The following SORCS2 variants were observed in gnomAD, a reference collection of about 807,000 sequenced individuals.
The protein encoded by SORCS2 is VPS10 domain-containing receptor SorCS2.
SORCS2 carries 100 observed loss-of-function variants against 141.6 expected under a neutral mutation model. The observed-to-expected ratio is 0.71, with a 90% confidence interval of 0.60 to 0.83. The LOEUF (loss-of-function observed/expected upper bound fraction) is 0.83. Ranked by LOEUF, SORCS2 falls within the 40% of genes least tolerant of loss-of-function variation. SORCS2 has a pLI of 0.00. For synonymous variants in SORCS2, 789 were observed against 676.9 expected (o/e 1.17, Z -2.57); for missense variants, 1,646 against 1,560.2 (o/e 1.05, Z -0.93).
intron 1 of SORCS2, among the ~76,000 whole-genome samples, chr4:7,322,089 C>G (rs1314688130): frequency 6.6e-6 from 1 of 152,184 alleles, no homozygotes; most frequent in Admixed American, 6.5e-5. Flanking sequence ...TGCCATCAGA[C>G]AGGTGGGGTT....
chr4:7,308,860 C>A (rs1041376831), intron 1 of SORCS2, among the ~76,000 whole-genome samples: 1 of 152,172 alleles, frequency 6.6e-6, no homozygotes, highest in Non-Finnish European at 1.5e-5. Context: ...CAGGATAAAG[C>A]CACAGACCCT....
At chr4:7,623,171 G>A (rs1323705418) in intron 3 of SORCS2, among the ~76,000 whole-genome samples, 7 of 151,878 alleles carry the variant, frequency 4.6e-5, no homozygotes, top group African/African-American at 1.5e-4. Context: ...ACACACCAAT[G>A]CCCTGCCTTT....
chr4:7,414,414 C>T (rs1448147994), intron 2 of SORCS2, among the ~76,000 whole-genome samples: 2 of 152,162 alleles, frequency 1.3e-5, no homozygotes, highest in African/African-American at 4.8e-5. Context: ...CAGAGGAAGG[C>T]AGTCTAGGCA....
chr4:7,359,343 A>C (rs1386735681), intron 1 of SORCS2, among the ~76,000 whole-genome samples: 1 of 152,104 alleles, frequency 6.6e-6, no homozygotes, highest in Non-Finnish European at 1.5e-5. Context: ...TTTGTCACCC[A>C]GGCTGGTCTC....
chr4:7,740,869 CTGTCTT>C lies in SORCS2; in HGVS notation c.*607_*612del. ...GGCGGTGGTGGGGGTGTCTCACTCT[CTGTCTT>C]TATAGCCGGCGGTAGCCACCGGGGT... is the stretch of plus-strand genomic sequence containing the variant. On this transcript the variant is annotated 3_prime_UTR_variant, in exon 27 of 27. Coordinates refer to ENST00000507866, the MANE Select transcript of SORCS2 (RefSeq NM_020777.3). 1 of 395,590 alleles carries C rather than the reference CTGTCTT, an allele frequency of 2.5e-6. No homozygotes were observed. Among genetic ancestry groups the C allele is most frequent in the African/African-American group, 2.1e-5 (1 of 48,666 alleles). 24.5% of individuals were successfully genotyped at this position (395,590 alleles called of 1,614,324 possible).
chr4:7,619,916 C>G (rs572839513), intron 3 of SORCS2, among the ~76,000 whole-genome samples: 2 of 152,284 alleles, frequency 1.3e-5, no homozygotes, highest in South Asian at 4.2e-4. Context: ...GGCACAGATT[C>G]GTCAGCCCCT....
intron 1 of SORCS2, among the ~76,000 whole-genome samples, chr4:7,256,838 G>A (rs1192485519): frequency 6.6e-6 from 1 of 152,032 alleles, no homozygotes; most frequent in African/African-American, 2.4e-5. Flanking sequence ...GGGGAGCTCG[G>A]TCTGGCAGAG....
chr4:7,244,801 A>G (rs897137593), intron 1 of SORCS2, among the ~76,000 whole-genome samples: 2 of 152,224 alleles, frequency 1.3e-5, no homozygotes, highest in African/African-American at 4.8e-5. Flanking sequence ...TGCAGCCGGG[A>G]CAGGCTGCTC....
At chr4:7,411,238 G>A in intron 2 of SORCS2, among the ~76,000 whole-genome samples, 1 of 151,980 alleles carries the variant, frequency 6.6e-6, no homozygotes, top group East Asian at 1.9e-4. Context: ...GCAGGCATGA[G>A]CCACTGCGCC....
rs1156768706 is a variant in SORCS2 at position 7,577,509 on chromosome 4, T to C, written c.648+45880T>C. On this transcript the variant is annotated intron_variant, in intron 3 of 26. Coordinates refer to ENST00000507866, the MANE Select transcript of SORCS2 (RefSeq NM_020777.3). Reference sequence around the variant, plus strand: ...ATACAGGTGAAGTCAGCTAGTGCCATGGTTTGGAGAAGTTATATAGCATAC... The same window carrying C: ...ATACAGGTGAAGTCAGCTAGTGCCACGGTTTGGAGAAGTTATATAGCATAC... 2.7e-5 allele frequency among the ~76,000 whole-genome samples: 4 copies of C among 147,046 alleles called. No homozygotes were observed. The Admixed American group carries it at 2.8e-4, about 10-fold the overall frequency.
chr4:7,417,652 C>T (rs184318875), intron 2 of SORCS2, among the ~76,000 whole-genome samples: 19 of 152,242 alleles, frequency 1.2e-4, no homozygotes, highest in Admixed American at 6.5e-4. Context: ...CCGCTCTTCC[C>T]GGAACGTGGC....
At chr4:7,320,496 T>A (rs908202080) in intron 1 of SORCS2, among the ~76,000 whole-genome samples, 1 of 152,228 alleles carries the variant, frequency 6.6e-6, no homozygotes, top group African/African-American at 2.4e-5. Flanking sequence ...ACATTTGACA[T>A]TTTACTTTGA....
At chr4:7,525,776 C>CT (rs1215112652) in intron 2 of SORCS2, among the ~76,000 whole-genome samples, 156 of 113,720 alleles carry the variant, frequency 1.4e-3, no homozygotes, top group East Asian at 2.7e-3. Context: ...CCTGTCCCCT[C>CT]CTGCAGTCAC....
intron 1 of SORCS2, among the ~76,000 whole-genome samples, chr4:7,266,306 C>T (rs1714725097): frequency 6.6e-6 from 1 of 152,198 alleles, no homozygotes; most frequent in Non-Finnish European, 1.5e-5. Context: ...TGCTGGACTC[C>T]TCTGGTGAAG....
chr4:7,623,140 C>G (rs1163209362), intron 3 of SORCS2, among the ~76,000 whole-genome samples: 1 of 152,126 alleles, frequency 6.6e-6, no homozygotes. Flanking sequence ...TACCCCATCG[C>G]TGATAATCAG....
chr4:7,661,459 T>C (rs754234391), intron 5 of SORCS2, 41 bp from the exon 6 acceptor site: 11 of 1,543,396 alleles, frequency 7.1e-6, no homozygotes, highest in Non-Finnish European at 8.8e-6. Context: ...ACGGGCATGG[T>C]GACTCCATTC....
At chr4:7,419,206 A>G (rs956140026) in intron 2 of SORCS2, among the ~76,000 whole-genome samples, 2 of 152,214 alleles carry the variant, frequency 1.3e-5, no homozygotes, top group African/African-American at 4.8e-5. Context: ...GGTTTGGAGA[A>G]GAGAAGGTAT....
At chr4:7,309,560 T>A (rs1718051361) in intron 1 of SORCS2, among the ~76,000 whole-genome samples, 1 of 152,200 alleles carries the variant, frequency 6.6e-6, no homozygotes, top group Admixed American at 6.5e-5. Flanking sequence ...GAACCTGCCC[T>A]CCACACAGGC....
chr4:7,734,804 C>T (rs575815701), intron 25 of SORCS2, among the ~76,000 whole-genome samples: 45 of 152,306 alleles, frequency 3.0e-4, no homozygotes, highest in African/African-American at 1.0e-3. Context: ...GTTCCTCGGC[C>T]GCCCGCCCAT....
Sources: allele counts gnomAD v4.1 joint callset (sites outside exome capture counted in the v4.1 genomes callset), GRCh38; gene constraint gnomAD v4.1.1; transcripts MANE v1.5; gene names NCBI Gene and HGNC (gene_info 2026-07-23, HGNC 2026-07-21).